KYAT1: variants seen among roughly 807,000 people sequenced by gnomAD.
KYAT1 encodes the protein kynurenine aminotransferase 1.
A neutral mutation model predicts 52.4 loss-of-function variants in KYAT1; 47 were observed. The ratio of observed to expected loss-of-function variants is 0.90; its 90% CI spans 0.71 to 1.14. The LOEUF (loss-of-function observed/expected upper bound fraction) is 1.14, where lower values mean the gene tolerates loss of function less well. Among genes scored for constraint, KYAT1 ranks in the 50% most tolerant of loss-of-function variants. The pLI, the probability that KYAT1 is intolerant of heterozygous loss-of-function variation, is 0.00. For synonymous variants in KYAT1, 212 were observed against 209.6 expected (o/e 1.01, Z -0.10); for missense variants, 480 against 557.9 (o/e 0.86, Z 1.41).
intron 3 of KYAT1, 67 bp from the exon 4 acceptor site, chr9:128,838,434 A>G (rs1831539119): frequency 6.3e-7 from 1 of 1,592,054 alleles, no homozygotes; most frequent in African/African-American, 1.3e-5. Context: ...AGCTGTATCC[A>G]GGCAATTCTA....
At position 128,838,138 on chromosome 9, in the gene KYAT1, CTGATA is replaced by C; in HGVS notation, c.352-6_352-2del. ...CAAAAAAGGGTTCGATGATGATGAC[CTGATA>C]TAAGGGTCAAATCAGCTGGAGTCAG... is the stretch of plus-strand genomic sequence containing the variant. On this transcript the variant is annotated splice_acceptor_variant and splice_polypyrimidine_tract_variant and intron_variant, in intron 4 of 12. Coordinates refer to ENST00000302586, the MANE Select transcript of KYAT1 (RefSeq NM_004059.5). LOFTEE classifies it high-confidence loss of function. The C allele has an allele frequency of 1.2e-6, 2 of 1,614,166 alleles. No individual in the cohort carries two copies. The highest frequency in any genetic ancestry group is 1.7e-6 in the Non-Finnish European group (2 of 1,180,028).
intron 1 of KYAT1, among the ~76,000 whole-genome samples, chr9:128,850,845 T>C (rs762273657): frequency 3.3e-5 from 5 of 152,352 alleles, no homozygotes; most frequent in African/African-American, 7.2e-5. Context: ...GCGAGACACA[T>C]TGGCAGCAAT....
At position 128,835,599 on chromosome 9, in the gene KYAT1, C is replaced by T. The variant is rs377480189; in HGVS notation, c.924G>A (p.Gln308=). 17 of 1,612,940 alleles carry T rather than the reference C, an allele frequency of 1.1e-5. No individual in the cohort carries two copies. In the African/African-American group the frequency reaches 2.0e-4, roughly 19 times the overall value. Residue 308 remains glutamine (Q), a synonymous_variant, in exon 10 of 13, where the codon CAG becomes CAA. Transcript: ENST00000302586. ...LFRQPSSYFV[Q]FPQAMQRCRD... ...GGCAGCGCTGCATGGCCTGCGGGAA[C>T]TGCACAAAGTAGCTGCTGGGTTGGC...
intron 1 of KYAT1, among the ~76,000 whole-genome samples, chr9:128,861,894 G>T (rs1835508740): frequency 6.6e-6 from 1 of 152,218 alleles, no homozygotes; most frequent in Admixed American, 6.5e-5. Flanking sequence ...GAACCATCCT[G>T]GGCCAAAGGG....
At chr9:128,871,842 TG>T (rs1167184314) in intron 1 of KYAT1, among the ~76,000 whole-genome samples, 1 of 152,010 alleles carries the variant, frequency 6.6e-6, no homozygotes, top group Admixed American at 6.6e-5. Context: ...AAAATGACCA[TG>T]TTGGCTGGGC....
At chr9:128,851,608 C>G (rs1221207598) in intron 1 of KYAT1, among the ~76,000 whole-genome samples, 1 of 152,158 alleles carries the variant, frequency 6.6e-6, no homozygotes, top group South Asian at 2.1e-4. Flanking sequence ...ATCCCACTTA[C>G]AGTATGGAAT....
At chr9:128,842,824 G>A in intron 2 of KYAT1, 23 bp from the exon 3 acceptor site, 1 of 1,607,908 alleles carries the variant, frequency 6.2e-7, no homozygotes, top group Middle Eastern at 1.8e-4. Context: ...TGGAGAATCA[G>A]CACCAGCCCA....
intron 3 of KYAT1, among the ~76,000 whole-genome samples, 177 bp downstream of exon 3, chr9:128,842,477 A>C (rs1032487093): frequency 2.0e-5 from 3 of 152,104 alleles, no homozygotes; most frequent in African/African-American, 7.2e-5. Flanking sequence ...TGCCATCCCC[A>C]CTAGACCACG....
At chr9:128,845,890 T>C (rs1307255912) in intron 1 of KYAT1, among the ~76,000 whole-genome samples, 1 of 152,130 alleles carries the variant, frequency 6.6e-6, no homozygotes, top group Non-Finnish European at 1.5e-5. Context: ...GTCAGGCCTA[T>C]CTTATCAATG....
intron 4 of KYAT1, 32 bp from the exon 5 acceptor site, chr9:128,838,169 C>T (rs370461259): frequency 3.4e-5 from 55 of 1,614,030 alleles, no homozygotes; most frequent in Non-Finnish European, 4.6e-5. Context: ...CTGGAGTCAG[C>T]ATGGCCCTGA....
rs984222990 is a variant in KYAT1 at position 128,862,243 on chromosome 9, T to C, written c.-6-16832A>G. Among the ~76,000 whole-genome samples the C allele has an allele frequency of 2.6e-5, 4 of 152,186 alleles. No homozygotes were observed. In the South Asian group the frequency reaches 6.2e-4, roughly 24 times the overall value. ...GTCTCAAACTCCTGGGCTCAAGGCA[T>C]CCTCCTGCCGCAGCGTCCCAGTGCT... On this transcript the variant is annotated intron_variant, in intron 1 of 12. Coordinates refer to ENST00000302586, the MANE Select transcript of KYAT1 (RefSeq NM_004059.5).
At chr9:128,852,689 C>G (rs1439166765) in intron 1 of KYAT1, among the ~76,000 whole-genome samples, 1 of 152,076 alleles carries the variant, frequency 6.6e-6, no homozygotes, top group African/African-American at 2.4e-5. Flanking sequence ...GAAAATTAAA[C>G]CACAAAAAAT....
In KYAT1 at chr9:128,876,715, G is replaced by A. The variant is rs528520324; in HGVS notation, c.-7+5182C>T. Among the ~76,000 whole-genome samples, 446 of 148,418 alleles carry A rather than the reference G, an allele frequency of 3.0e-3. 2 individuals are homozygous for A. The highest frequency in any genetic ancestry group is 0.01 in the African/African-American group (414 of 40,440). On this transcript the variant is annotated intron_variant, in intron 1 of 12. Transcript: ENST00000302586. ...ATTACAGGCATGAGCCACGGCACCC[G>A]GCCTTTTTTTTTTTTTTTTCTTGAG...
At chr9:128,851,071 G>A (rs1287013145) in intron 1 of KYAT1, among the ~76,000 whole-genome samples, 1 of 152,150 alleles carries the variant, frequency 6.6e-6, no homozygotes, top group Non-Finnish European at 1.5e-5. Context: ...AAAAAGTGAG[G>A]AAACTCAGAG....
intron 3 of KYAT1, chr9:128,842,219 C>T (rs1832322248): frequency 5.2e-6 from 1 of 192,180 alleles, no homozygotes; most frequent in African/African-American, 2.4e-5. Flanking sequence ...AAAAGAACCA[C>T]TGTTCTAATC....
chr9:128,857,294 A>G (rs777819923), intron 1 of KYAT1, among the ~76,000 whole-genome samples: 9 of 152,224 alleles, frequency 5.9e-5, no homozygotes, highest in Non-Finnish European at 1.3e-4. Context: ...AAAAGTGAGG[A>G]AACTCAGAAA....
At chr9:128,857,059 T>C (rs1160829357) in intron 1 of KYAT1, among the ~76,000 whole-genome samples, 1 of 152,236 alleles carries the variant, frequency 6.6e-6, no homozygotes, top group Non-Finnish European at 1.5e-5. Flanking sequence ...AGGCGAGACA[T>C]GTTGGCAGCA....
chr9:128,846,506 T>A (rs1213767100), intron 1 of KYAT1, among the ~76,000 whole-genome samples: 1 of 140,550 alleles, frequency 7.1e-6, no homozygotes, highest in East Asian at 2.1e-4. Flanking sequence ...GGCTGAGGCC[T>A]GAGAATCACT....
chr9:128,856,013 T>C (rs1296194466), intron 1 of KYAT1, among the ~76,000 whole-genome samples: 1 of 152,220 alleles, frequency 6.6e-6, no homozygotes, highest in Admixed American at 6.5e-5. Flanking sequence ...GAATGAGAGA[T>C]AGGCTCATGA....
Sources: allele counts gnomAD v4.1 joint callset (sites outside exome capture counted in the v4.1 genomes callset), GRCh38; gene constraint gnomAD v4.1.1; transcripts MANE v1.5; gene names NCBI Gene and HGNC (gene_info 2026-07-23, HGNC 2026-07-21).